The following ALK variants were observed in gnomAD, a reference collection of about 807,000 sequenced individuals.
The protein encoded by ALK is ALK receptor tyrosine kinase.
A neutral mutation model predicts 163.1 loss-of-function variants in ALK; 74 were observed. That is an observed-to-expected ratio of 0.45 (90% confidence interval 0.38 to 0.55). The LOEUF (loss-of-function observed/expected upper bound fraction) is 0.55, where lower values mean the gene tolerates loss of function less well. Among genes scored for constraint, ALK ranks in the 20% least tolerant of loss-of-function variants. The probability of loss-of-function intolerance (pLI) is 0.00; values close to 1 mark genes in which losing one functional copy is unlikely to be tolerated. For missense variants in ALK, 2,063 were observed against 2,105.3 expected (o/e 0.98, Z 0.39); for synonymous variants, 960 against 843.2 (o/e 1.14, Z -2.40).
intron 4 of ALK, among the ~76,000 whole-genome samples, chr2:29,385,139 T>G (rs1343995737): frequency 1.3e-5 from 2 of 150,754 alleles, no homozygotes. Context: ...TTTTTACCAG[T>G]AGGTTGGGCT....
At chr2:29,679,942 G>A (rs551807712) in intron 3 of ALK, among the ~76,000 whole-genome samples, 5 of 151,898 alleles carry the variant, frequency 3.3e-5, no homozygotes, top group Non-Finnish European at 7.4e-5. Context: ...ATTTTTAAAG[G>A]TTAGTTTTGC....
At chr2:29,616,657 C>T (rs530593540) in intron 3 of ALK, among the ~76,000 whole-genome samples, 123 of 152,164 alleles carry the variant, frequency 8.1e-4, no homozygotes, top group Non-Finnish European at 1.6e-3. Flanking sequence ...AACTTTCTAA[C>T]AGTAGGAGCC....
intron 3 of ALK, among the ~76,000 whole-genome samples, chr2:29,643,231 G>A (rs879644931): frequency 1.3e-5 from 2 of 152,136 alleles, no homozygotes; most frequent in Non-Finnish European, 2.9e-5. Flanking sequence ...AGGTATTAAA[G>A]TTTCCAGGGC....
At chr2:29,695,046 A>C in intron 2 of ALK, 32 bp from the exon 3 acceptor site, 1 of 1,613,588 alleles carries the variant, frequency 6.2e-7, no homozygotes, top group Non-Finnish European at 8.5e-7. Context: ...AATGGAAAAA[A>C]CCATTTCCCA....
chr2:29,505,526 G>C (rs1388017008), intron 4 of ALK, among the ~76,000 whole-genome samples: 1 of 152,094 alleles, frequency 6.6e-6, no homozygotes, highest in Non-Finnish European at 1.5e-5. Context: ...GGGGAGCTTA[G>C]GGGGAGTTCT....
intron 3 of ALK, among the ~76,000 whole-genome samples, chr2:29,688,064 A>G (rs1345741401): frequency 6.6e-6 from 1 of 152,250 alleles, no homozygotes; most frequent in Non-Finnish European, 1.5e-5. Context: ...TAGTGTTGTC[A>G]GTAGCATTCA....
At chr2:29,350,808 A>G (rs2339377) in intron 5 of ALK, among the ~76,000 whole-genome samples, 150,930 of 152,350 alleles carry the variant, frequency 0.99, 74,773 homozygotes, top group East Asian at 1. Flanking sequence ...GAGGTTAAGC[A>G]ACTTGTCCAA....
At chr2:29,717,085 T>C (rs1224454990) in intron 2 of ALK, among the ~76,000 whole-genome samples, 2 of 139,572 alleles carry the variant, frequency 1.4e-5, no homozygotes, top group African/African-American at 5.5e-5. Flanking sequence ...GGCAGGAGAA[T>C]GGTGTGAACC....
intron 3 of ALK, among the ~76,000 whole-genome samples, chr2:29,564,297 C>T (rs1674113254): frequency 6.6e-6 from 1 of 152,152 alleles, no homozygotes; most frequent in Non-Finnish European, 1.5e-5. Context: ...ACAGGTGCTT[C>T]TTCTTACCCA....
intron 4 of ALK, among the ~76,000 whole-genome samples, chr2:29,499,705 G>A (rs1338897676): frequency 1.3e-5 from 2 of 151,788 alleles, no homozygotes; most frequent in African/African-American, 4.8e-5. Flanking sequence ...TTCTCCCCGG[G>A]TGGACTCATT....
Position 29,920,088 on chromosome 2 carries a change from G to A in ALK, c.572C>T (p.Pro191Leu), listed in dbSNP as rs1165932498. Residue 191 changes from proline to leucine, a missense_variant, in exon 1 of 29, where the codon CCC becomes CTC. Physicochemically the swap from Pro to Leu is moderately conservative, Grantham distance 98. Coordinates refer to ENST00000389048, the MANE Select transcript of ALK (RefSeq NM_004304.5). ...GCCCACTTCCGACGCCTTCTTCTCG[G>A]GCATCAGGCGGATCCTCAGTCGCCC... ...GEGRLRIRLM[P>L]EKKASEVGRE... The A allele has an allele frequency of 1.9e-6, 3 of 1,614,162 alleles. No individual in the cohort carries two copies. Among genetic ancestry groups the A allele is most frequent in the South Asian group, 2.2e-5 (2 of 91,086 alleles).
chr2:29,490,147 G>C (rs552890436), intron 4 of ALK, among the ~76,000 whole-genome samples: 1 of 152,354 alleles, frequency 6.6e-6, no homozygotes, highest in Non-Finnish European at 1.5e-5. Flanking sequence ...CTAAATCCCA[G>C]AATATTCAGT....
chr2:29,516,726 C>T (rs758827405), intron 4 of ALK, among the ~76,000 whole-genome samples: 45 of 152,296 alleles, frequency 3.0e-4, no homozygotes, highest in Admixed American at 7.8e-4. Flanking sequence ...TAATATGTTA[C>T]CTCACAGGCC....
At chr2:29,352,702 T>G (rs117095644) in intron 5 of ALK, among the ~76,000 whole-genome samples, 1 of 152,148 alleles carries the variant, frequency 6.6e-6, no homozygotes, top group East Asian at 1.9e-4. Flanking sequence ...TAGGCTGTAG[T>G]GGTAGAGAGG....
intron 4 of ALK, among the ~76,000 whole-genome samples, chr2:29,416,556 G>C (rs1412599254): frequency 6.6e-6 from 1 of 152,180 alleles, no homozygotes; most frequent in African/African-American, 2.4e-5. Flanking sequence ...AATCATTAAG[G>C]AAAGCGAGAA....
rs559031331 is a variant in ALK, at chr2:29,635,691, C to T, written c.952+59159G>A. On this transcript the variant is annotated intron_variant, in intron 3 of 28. Coordinates refer to ENST00000389048, the MANE Select transcript of ALK (RefSeq NM_004304.5). ...GATCTCGGCTCACTGCAACCTCCGCCTCCCAGGTTCAAGTGATTCTCATGC... is the reference window on the plus strand; with the variant it reads ...GATCTCGGCTCACTGCAACCTCCGCTTCCCAGGTTCAAGTGATTCTCATGC... 8.9e-4 allele frequency among the ~76,000 whole-genome samples: 134 copies of T among 150,944 alleles called. 1 individual carries two copies. Among genetic ancestry groups the T allele is most frequent in the African/African-American group, 3.0e-3 (125 of 41,022 alleles).
At chr2:29,417,270 G>A (rs759774202) in intron 4 of ALK, among the ~76,000 whole-genome samples, 6 of 152,192 alleles carry the variant, frequency 3.9e-5, no homozygotes, top group Non-Finnish European at 5.9e-5. Flanking sequence ...TTACAGGCGT[G>A]AGCATTTGAA....
rs1008915509 is a variant in ALK at position 29,225,576 on chromosome 2, G to T, written c.3068-11C>A. ...CCGGGGTGGGTGACACTGGAAGACA[G>T]GTCCCACTGGGGTATTGACAACCAC... On this transcript the variant is annotated splice_polypyrimidine_tract_variant and intron_variant, in intron 18 of 28. Coordinates refer to ENST00000389048, the MANE Select transcript of ALK (RefSeq NM_004304.5). 2 of 1,603,644 alleles carry T rather than the reference G, an allele frequency of 1.2e-6. No individual in the cohort carries two copies. The highest frequency in any genetic ancestry group is 1.7e-6 in the Non-Finnish European group (2 of 1,175,308).
chr2:29,758,369 T>C (rs1680599651), intron 1 of ALK, among the ~76,000 whole-genome samples: 1 of 152,104 alleles, frequency 6.6e-6, no homozygotes, highest in Non-Finnish European at 1.5e-5. Context: ...CTGGCCTTGG[T>C]GTTAGGACTC....
Sources: allele counts gnomAD v4.1 joint callset (sites outside exome capture counted in the v4.1 genomes callset), GRCh38; gene constraint gnomAD v4.1.1; transcripts MANE v1.5; gene names NCBI Gene and HGNC (gene_info 2026-07-23, HGNC 2026-07-21).